ME2: variants seen among roughly 807,000 people sequenced by gnomAD.
ME2 encodes the protein malic enzyme 2.
ME2 carries 60 observed loss-of-function variants against 73.7 expected under a neutral mutation model. That is an observed-to-expected ratio of 0.81 (90% confidence interval 0.66 to 1.01). The LOEUF (loss-of-function observed/expected upper bound fraction) is 1.01, where lower values mean the gene tolerates loss of function less well. Among genes scored for constraint, ME2 ranks in the 50% least tolerant of loss-of-function variants. ME2 has a pLI of 0.00. For missense variants in ME2, 594 were observed against 705.5 expected, an observed-to-expected ratio of 0.84 and a Z score of 1.79; for synonymous variants, 199 against 236.9, an observed-to-expected ratio of 0.84 and a Z score of 1.47.
chr18:50,951,919 T>C lies in ME2; in HGVS notation c.*4735T>C, dbSNP rs1918237508. 6.9e-6 allele frequency: 1 copy of C among 143,948 alleles called. No homozygotes were observed. Among genetic ancestry groups the C allele is most frequent in the Non-Finnish European group, 1.5e-5 (1 of 66,478 alleles). The allele number at this position is 143,948 out of a possible 1,614,324, so 8.9% of individuals were successfully genotyped here. On this transcript the variant is annotated 3_prime_UTR_variant, in exon 16 of 16. Transcript: ENST00000321341. ...AAAAAAAAAATCTCCAGGGTTCTGT[T>C]GAATTCACCAAAATGGGGTCAGCTC... is the stretch of plus-strand genomic sequence containing the variant.
intron 12 of ME2, among the ~76,000 whole-genome samples, chr18:50,929,163 T>A (rs74430819): frequency 1.5e-5 from 2 of 130,506 alleles, no homozygotes; most frequent in Non-Finnish European, 1.6e-5. Context: ...TTGGCATTCT[T>A]TTTTTTTTTT....
chr18:50,888,212 G>T (rs745848419), intron 1 of ME2, among the ~76,000 whole-genome samples: 1 of 152,080 alleles, frequency 6.6e-6, no homozygotes, highest in Non-Finnish European at 1.5e-5. Flanking sequence ...GGGCATGATG[G>T]CACATGCCTG....
Position 50,948,381 on chromosome 18 carries a change from A to C in ME2, c.*1197A>C, listed in dbSNP as rs998051713. 4 of 152,154 alleles carry C rather than the reference A, an allele frequency of 2.6e-5. No individual in the cohort carries two copies. Among genetic ancestry groups the C allele is most frequent in the African/African-American group, 4.8e-5 (2 of 41,420 alleles). 9.4% of individuals were successfully genotyped at this position (152,154 alleles called of 1,614,324 possible). On this transcript the variant is annotated 3_prime_UTR_variant, in exon 16 of 16. Transcript: ENST00000321341. ...CTAAAGGAAAATATATCTGCCTACC[A>C]TGCTTGCTCTTAGGGAAGAAAACTT...
intron 13 of ME2, among the ~76,000 whole-genome samples, chr18:50,937,519 G>T (rs941668401): frequency 7.9e-5 from 12 of 152,004 alleles, no homozygotes; most frequent in African/African-American, 2.9e-4. Flanking sequence ...GTCATCTGAA[G>T]AAAGTCTCTT....
At chr18:50,920,825 T>C in intron 9 of ME2, 67 bp downstream of exon 9, 1 of 1,218,190 alleles carries the variant, frequency 8.2e-7, no homozygotes, top group Non-Finnish European at 1.2e-6. Context: ...ATGGGCAGAA[T>C]ATTGATGTTT....
rs1369589749 is a variant in ME2, at chr18:50,953,743, A to T, written c.*6559A>T. On this transcript the variant is annotated 3_prime_UTR_variant, in exon 16 of 16. Coordinates refer to ENST00000321341, the MANE Select transcript of ME2 (RefSeq NM_002396.5). ...AGTGATATCTATGTATTGTATACAC[A>T]TATTCCATTGAAAGGTGAGAATAAT... 1 of 152,236 alleles carries T rather than the reference A, an allele frequency of 6.6e-6. No homozygotes were observed. The highest frequency in any genetic ancestry group is 1.5e-5 in the Non-Finnish European group (1 of 68,046). The allele number at this position is 152,236 out of a possible 1,614,324, so 9.4% of individuals were successfully genotyped here.
chr18:50,949,528 A>G lies in ME2; in HGVS notation c.*2344A>G, dbSNP rs1280034110. The G allele has an allele frequency of 4.6e-5, 7 of 152,144 alleles. No individual in the cohort carries two copies. The highest frequency in any genetic ancestry group is 8.8e-5 in the Non-Finnish European group (6 of 68,024). The allele number at this position is 152,144 out of a possible 1,614,324, so 9.4% of individuals were successfully genotyped here. On this transcript the variant is annotated 3_prime_UTR_variant, in exon 16 of 16. Transcript: ENST00000321341. ...GGCTTCTGTTTTTCATGTTCCCTTT[A>G]TCAAAACAAAATCACGCCTAAACAT...
At chr18:50,932,227 C>G (rs755391277) in intron 12 of ME2, 31 bp from the exon 13 acceptor site, 1 of 1,569,020 alleles carries the variant, frequency 6.4e-7, no homozygotes, top group Admixed American at 1.7e-5. Context: ...CAGAAAATAA[C>G]AAAATTGAAG....
At position 50,952,730 on chromosome 18, in the gene ME2, T is replaced by A. The variant is rs953780492; in HGVS notation, c.*5546T>A. The A allele has an allele frequency of 1.8e-4, 28 of 152,240 alleles. No individual in the cohort carries two copies. Among genetic ancestry groups the A allele is most frequent in the African/African-American group, 6.8e-4 (28 of 41,466 alleles). The allele number at this position is 152,240 out of a possible 1,614,324, so 9.4% of individuals were successfully genotyped here. ...AAAGTAATTTTTCCTTTCCTAGTTT[T>A]AAGTATATATTCAAGCAAATCGTTG... is the stretch of plus-strand genomic sequence containing the variant. On this transcript the variant is annotated 3_prime_UTR_variant, in exon 16 of 16. Transcript: ENST00000321341.
intron 2 of ME2, among the ~76,000 whole-genome samples, chr18:50,905,980 C>T (rs1917010188): frequency 6.6e-6 from 1 of 152,116 alleles, no homozygotes; most frequent in African/African-American, 2.4e-5. Context: ...GGTTGGGAGA[C>T]CTTAGAATTT....
chr18:50,927,340 AAAC>A (rs1917575560), intron 12 of ME2, among the ~76,000 whole-genome samples: 1 of 152,104 alleles, frequency 6.6e-6, no homozygotes, highest in Non-Finnish European at 1.5e-5. Context: ...CACTCCTTTA[AAAC>A]AACGTTTTTT....
At chr18:50,882,571 A>G (rs1055789822) in intron 1 of ME2, among the ~76,000 whole-genome samples, 2 of 152,122 alleles carry the variant, frequency 1.3e-5, no homozygotes, top group Admixed American at 1.3e-4. Context: ...ACAAGTAAAA[A>G]ACTGTTATGT....
In ME2 at chr18:50,949,362, C is replaced by T. The variant is rs1918167793; in HGVS notation, c.*2178C>T. Reference sequence around the variant, plus strand: ...TTAGATATGGGGTTTTGCTATGTCACCCTTGCTGGAGGGCGGTGGCTGTTC... The same window carrying T: ...TTAGATATGGGGTTTTGCTATGTCATCCTTGCTGGAGGGCGGTGGCTGTTC... On this transcript the variant is annotated 3_prime_UTR_variant, in exon 16 of 16. Transcript: ENST00000321341. The T allele has an allele frequency of 6.6e-6, 1 of 152,162 alleles. No individual in the cohort carries two copies. The highest frequency in any genetic ancestry group is 1.5e-5 in the Non-Finnish European group (1 of 68,072). 9.4% of individuals were successfully genotyped at this position (152,162 alleles called of 1,614,324 possible).
rs1917062158 is a variant in ME2 at position 50,908,182 on chromosome 18, T to C, written c.228T>C (p.Thr76=). Residue 76 remains threonine (T), a synonymous_variant, in exon 3 of 16, where the codon ACT becomes ACC. Coordinates refer to ENST00000321341, the MANE Select transcript of ME2 (RefSeq NM_002396.5). ...TTCATAGAAACTTGAAGAAAATGAC[T>C]AGCCCTTTGGAAAAGTAAGAGTTGC... is the stretch of plus-strand genomic sequence containing the variant. The part of the protein sequence containing the change: ...LRFHRNLKKM[T]SPLEKYIYIM... The C allele has an allele frequency of 6.3e-7, 1 of 1,592,818 alleles. No individual in the cohort carries two copies. Among genetic ancestry groups the C allele is most frequent in the African/African-American group, 1.4e-5 (1 of 73,630 alleles).
chr18:50,912,961 T>C lies in ME2; in HGVS notation c.392+11T>C, dbSNP rs1020367237. On this transcript the variant is annotated intron_variant, in intron 4 of 15. Coordinates refer to ENST00000321341, the MANE Select transcript of ME2 (RefSeq NM_002396.5). ...CTTTAGAAGACCTAAGTAAGGCTTG[T>C]TTAAAAAAAAGCTTGTAAATGATTA... 1 of 1,570,174 alleles carries C rather than the reference T, an allele frequency of 6.4e-7. No individual in the cohort carries two copies. The highest frequency in any genetic ancestry group is 8.6e-7 in the Non-Finnish European group (1 of 1,165,638).
intron 4 of ME2, chr18:50,915,939 A>T: frequency 2.6e-6 from 1 of 382,322 alleles, no homozygotes; most frequent in Non-Finnish European, 4.7e-6. Context: ...TCTTGGGTAA[A>T]ATGACTGTAT....
intron 3 of ME2, among the ~76,000 whole-genome samples, chr18:50,909,928 C>T (rs181966973): frequency 1.3e-5 from 2 of 151,972 alleles, no homozygotes; most frequent in Admixed American, 6.6e-5. Flanking sequence ...GCTCATTCTC[C>T]GAAGCTGGAA....
rs1455439523 is a variant in ME2 at position 50,948,783 on chromosome 18, C to T, written c.*1599C>T. 6.6e-6 allele frequency: 1 copy of T among 150,564 alleles called. No homozygotes were observed. Among genetic ancestry groups the T allele is most frequent in the East Asian group, 1.9e-4 (1 of 5,136 alleles). The allele number at this position is 150,564 out of a possible 1,614,324, so 9.3% of individuals were successfully genotyped here. A position where few individuals can be genotyped will look rare whatever the true frequency, so the allele number is the denominator to read the frequency against. ...GGTCTCGATTTCCTGACCTCGCGAT[C>T]CGCCCACCTCAGCCTTCCAAAGTGC... On this transcript the variant is annotated 3_prime_UTR_variant, in exon 16 of 16. Transcript: ENST00000321341.
chr18:50,902,761 A>G (rs1314425473), intron 2 of ME2, among the ~76,000 whole-genome samples: 1 of 152,204 alleles, frequency 6.6e-6, no homozygotes, highest in Non-Finnish European at 1.5e-5. Flanking sequence ...AGATTATAAC[A>G]TATACTTTTA....
Sources: allele counts gnomAD v4.1 joint callset (sites outside exome capture counted in the v4.1 genomes callset), GRCh38; gene constraint gnomAD v4.1.1; transcripts MANE v1.5; gene names NCBI Gene and HGNC (gene_info 2026-07-23, HGNC 2026-07-21).